PACRG: variants seen among roughly 807,000 people sequenced by gnomAD.
PACRG encodes parkin coregulated gene protein.
A neutral mutation model predicts 29.7 loss-of-function variants in PACRG; 29 were observed. The ratio of observed to expected loss-of-function variants is 0.98; its 90% CI spans 0.73 to 1.33. The LOEUF is 1.33. PACRG is among the 40% of genes most tolerant of loss of function. The pLI, the probability that PACRG is intolerant of heterozygous loss-of-function variation, is 0.00. For missense variants in PACRG, 279 were observed against 316.2 expected, an observed-to-expected ratio of 0.88 and a Z score of 0.89; for synonymous variants, 116 against 118.7, an observed-to-expected ratio of 0.98 and a Z score of 0.15.
intron 4 of PACRG, among the ~76,000 whole-genome samples, chr6:163,283,807 C>CAAAAAAAAAA (rs11342579): frequency 1.0e-5 from 1 of 100,294 alleles, no homozygotes; most frequent in African/African-American, 3.7e-5. Context: ...GACTCCGTCT[C>CAAAAAAAAAA]AAAAAAAAAA....
chr6:162,764,745 A>G (rs1431272853), intron 1 of PACRG, among the ~76,000 whole-genome samples: 2 of 150,514 alleles, frequency 1.3e-5, no homozygotes, highest in East Asian at 3.9e-4. Context: ...CTGGAATCCA[A>G]ACTTTTTTTT....
intron 4 of PACRG, among the ~76,000 whole-genome samples, chr6:163,210,600 C>T (rs1781097043): frequency 6.6e-6 from 1 of 152,196 alleles, no homozygotes; most frequent in African/African-American, 2.4e-5. Context: ...ACTGCAGAGG[C>T]ATGTTGAAGG....
At chr6:162,927,320 A>G (rs1797517907) in intron 2 of PACRG, among the ~76,000 whole-genome samples, 1 of 152,146 alleles carries the variant, frequency 6.6e-6, no homozygotes, top group African/African-American at 2.4e-5. Context: ...CCAAAGGAAT[A>G]TAAATAATTA....
intron 1 of PACRG, among the ~76,000 whole-genome samples, chr6:162,806,113 CTT>C (rs553734264): frequency 1.1e-4 from 16 of 143,842 alleles, no homozygotes; most frequent in African/African-American, 1.5e-4. Context: ...TCTTTCTTTC[CTT>C]TTTTTTTTTT....
At chr6:162,996,197 T>C (rs1236715889) in intron 2 of PACRG, among the ~76,000 whole-genome samples, 1 of 152,130 alleles carries the variant, frequency 6.6e-6, no homozygotes, top group East Asian at 1.9e-4. Context: ...ATGGACATGT[T>C]TATTAGGTTG....
intron 2 of PACRG, among the ~76,000 whole-genome samples, chr6:163,036,192 T>C (rs1328863323): frequency 2.6e-5 from 4 of 152,204 alleles, no homozygotes; most frequent in South Asian, 4.1e-4. Context: ...GCAAACTTAT[T>C]TTGTGGATTT....
chr6:163,165,767 G>T, intron 4 of PACRG: 1 of 245,004 alleles, frequency 4.1e-6, no homozygotes, highest in Non-Finnish European at 8.1e-6. Flanking sequence ...TGGCAGAAAG[G>T]GGAAAGCTGG....
chr6:162,954,214 C>T (rs1032537850), intron 2 of PACRG, among the ~76,000 whole-genome samples: 1 of 152,080 alleles, frequency 6.6e-6, no homozygotes, highest in Non-Finnish European at 1.5e-5. Context: ...CTAAGCAGCT[C>T]AAAGCAATTG....
At chr6:162,731,581 C>T (rs993073327) in intron 1 of PACRG, among the ~76,000 whole-genome samples, 2 of 151,910 alleles carry the variant, frequency 1.3e-5, no homozygotes, top group Admixed American at 6.6e-5. Flanking sequence ...ATTTTGGTAT[C>T]TGCAGGAGGT....
intron 2 of PACRG, among the ~76,000 whole-genome samples, chr6:162,971,786 C>T (rs149630088): frequency 6.9e-4 from 105 of 152,332 alleles, no homozygotes; most frequent in African/African-American, 2.2e-3. Flanking sequence ...TCTCTGCGAT[C>T]AAGCCCTGCC....
chr6:163,196,354 C>T (rs1376568212), intron 4 of PACRG, among the ~76,000 whole-genome samples: 1 of 152,192 alleles, frequency 6.6e-6, no homozygotes, highest in Non-Finnish European at 1.5e-5. Flanking sequence ...ACTCTTTTCG[C>T]CAACATGTAT....
At chr6:163,215,131 C>T (rs1482675442) in intron 4 of PACRG, among the ~76,000 whole-genome samples, 1 of 151,196 alleles carries the variant, frequency 6.6e-6, no homozygotes, top group Non-Finnish European at 1.5e-5. Context: ...TTTTTTTGTG[C>T]AATGTACTGC....
In PACRG at chr6:163,049,866, GACTTGGCA is replaced by G. The variant is rs535018804; in HGVS notation, c.292-12282_292-12275del. Among the ~76,000 whole-genome samples the G allele has an allele frequency of 4.5e-4, 68 of 152,058 alleles. 2 individuals carry two copies. In the East Asian group the frequency reaches 0.013, roughly 29 times the overall value. On this transcript the variant is annotated intron_variant, in intron 2 of 4. Coordinates refer to ENST00000366888, the MANE Select transcript of PACRG (RefSeq NM_001080379.2). ...ATTTGGTACCATCTCTGTGAAGCAC[GACTTGGCA>G]ATATGTATCAAAATGACCAATATGT...
chr6:162,845,354 A>G (rs904904972), intron 2 of PACRG, among the ~76,000 whole-genome samples: 33 of 151,896 alleles, frequency 2.2e-4, no homozygotes, highest in African/African-American at 8.0e-4. Context: ...TGCAAAATTC[A>G]TTGCAGTGTG....
At chr6:162,822,972 C>A (rs894479145) in intron 2 of PACRG, among the ~76,000 whole-genome samples, 3 of 152,076 alleles carry the variant, frequency 2.0e-5, no homozygotes, top group Middle Eastern at 3.4e-3. Context: ...ATCTCATTTT[C>A]TGTAGAAATT....
At chr6:162,806,627 G>A (rs181020167) in intron 1 of PACRG, among the ~76,000 whole-genome samples, 10 of 152,150 alleles carry the variant, frequency 6.6e-5, no homozygotes, top group Admixed American at 6.5e-4. Flanking sequence ...CTCAACAGTG[G>A]GCTGAAAATA....
At chr6:162,860,391 T>C (rs1352559880) in intron 2 of PACRG, among the ~76,000 whole-genome samples, 4 of 152,206 alleles carry the variant, frequency 2.6e-5, no homozygotes, top group Admixed American at 2.6e-4. Context: ...ACGGGAGTTT[T>C]AGAGTCTTGT....
chr6:163,088,871 T>G (rs1264062040), intron 3 of PACRG, among the ~76,000 whole-genome samples: 1 of 152,178 alleles, frequency 6.6e-6, no homozygotes, highest in Non-Finnish European at 1.5e-5. Flanking sequence ...TATGGATTGT[T>G]GCATGAAAGA....
chr6:162,947,470 A>AATCATATATAATC lies in PACRG; in HGVS notation c.292-114678_292-114677insCATATATAATCAT, dbSNP rs61434250. Among the ~76,000 whole-genome samples, 3 of 96,184 alleles carry AATCATATATAATC rather than the reference A, an allele frequency of 3.1e-5. No homozygotes were observed. The South Asian group carries it at 8.5e-4, about 27-fold the overall frequency. The allele number at this position is 96,184 out of a possible 152,430, so 63.1% of individuals were successfully genotyped here. A position where few individuals can be genotyped will look rare whatever the true frequency, so the allele number is the denominator to read the frequency against. ...TATAATCATATATATAATCATATATAATATATATATAATCATATATATACT... is the reference window on the plus strand; with the variant it reads ...TATAATCATATATATAATCATATATAATCATATATAATCATATATATATAATCATATATATACT... On this transcript the variant is annotated intron_variant, in intron 2 of 4. Transcript: ENST00000366888.
Sources: allele counts gnomAD v4.1 joint callset (sites outside exome capture counted in the v4.1 genomes callset), GRCh38; gene constraint gnomAD v4.1.1; transcripts MANE v1.5; gene names NCBI Gene and HGNC (gene_info 2026-07-23, HGNC 2026-07-21).